Variants in NBR1 observed in about 807,000 individuals in gnomAD.
NBR1 encodes the protein NBR1 autophagy cargo receptor, also known as next to BRCA1 gene 1 protein.
Under a neutral mutation model 115.5 loss-of-function variants are expected in NBR1, and 59 were observed. The ratio of observed to expected loss-of-function variants is 0.51; its 90% CI spans 0.41 to 0.63. The LOEUF (loss-of-function observed/expected upper bound fraction) is 0.63, where lower values mean the gene tolerates loss of function less well. Ranked by LOEUF, NBR1 falls within the 30% of genes least tolerant of loss-of-function variation. NBR1 has a pLI of 0.00. For missense variants in NBR1, 1,043 were observed against 1,150.5 expected (o/e 0.91, Z 1.35); for synonymous variants, 373 against 414.7 (o/e 0.90, Z 1.22).
rs192396746 is a variant in NBR1 at position 43,187,422 on chromosome 17, C to T, written c.402+978C>T. On this transcript the variant is annotated intron_variant, in intron 6 of 20. Transcript: ENST00000590996. ...GTCTCGATCTCCTGACCTCATGGTC[C>T]GCCCGCCTTGGCCTCCCAAAGTGCT... Among the ~76,000 whole-genome samples the T allele has an allele frequency of 9.1e-4, 139 of 152,102 alleles. 1 individual carries two copies. The East Asian group carries it at 0.012, about 13-fold the overall frequency.
Position 43,189,044 on chromosome 17 carries a change from G to A in NBR1, c.405G>A (p.Ser135=), listed in dbSNP as rs747485936. 2.5e-5 allele frequency: 40 copies of A among 1,608,992 alleles called. No homozygotes were observed. The highest frequency in any genetic ancestry group is 5.3e-5 in the African/African-American group (4 of 74,792). ...MKTPEDPAVQ[S]FPLVPCDTDQ... is the part of the protein sequence containing the mutation. ...TCTCGGCTTGTGTTTTCTCCCAGTC[G>A]TTTCCACTTGTTCCATGTGACACAG... Residue 135 remains serine (S), a splice_region_variant and synonymous_variant, in exon 7 of 21, where the codon TCG becomes TCA. Transcript: ENST00000590996.
At chr17:43,190,310 A>T (rs745820180) in intron 8 of NBR1, 1 of 394,330 alleles carries the variant, frequency 2.5e-6, no homozygotes, top group Non-Finnish European at 4.8e-6. Flanking sequence ...GACTCAAATG[A>T]TCCTCTTCTC....
chr17:43,196,619 T>C (rs2057074716), intron 15 of NBR1, 28 bp downstream of exon 15: 1 of 1,468,342 alleles, frequency 6.8e-7, no homozygotes, highest in African/African-American at 1.4e-5. Context: ...TGTAAAGTAT[T>C]TGCATCCTCC....
intron 5 of NBR1, among the ~76,000 whole-genome samples, chr17:43,183,249 T>C (rs1215710931): frequency 2.6e-5 from 4 of 151,368 alleles, no homozygotes; most frequent in Non-Finnish European, 5.9e-5. Context: ...TGAGATGGAG[T>C]CTTGCTCTGT....
Position 43,194,430 on chromosome 17 carries a change from A to T in NBR1, c.1605A>T (p.Pro535=), listed in dbSNP as rs2154582241. 1.2e-6 allele frequency: 2 copies of T among 1,613,912 alleles called. No homozygotes were observed. Among genetic ancestry groups the T allele is most frequent in the East Asian group, 4.5e-5 (2 of 44,890 alleles). ...EQTEGTAACI[P]QKAKNVASER... ...CAGAAGGGACAGCAGCCTGCATCCC[A>T]CAGAAGGCAAAAAATGTTGCCAGTG... Residue 535 remains proline (P), a synonymous_variant, in exon 13 of 21, where the codon CCA becomes CCT. Transcript: ENST00000590996.
At chr17:43,206,552 G>T (rs556547449) in intron 20 of NBR1, among the ~76,000 whole-genome samples, 1 of 152,140 alleles carries the variant, frequency 6.6e-6, no homozygotes, top group Admixed American at 6.5e-5. Context: ...CTACTCGGGA[G>T]TCTGAGGCAG....
chr17:43,197,451 G>A (rs913626837), intron 16 of NBR1, among the ~76,000 whole-genome samples: 14 of 151,796 alleles, frequency 9.2e-5, no homozygotes, highest in Non-Finnish European at 1.6e-4. Context: ...CCCGGGAGGC[G>A]GAGCTTGCAG....
rs1430986515 is a variant in NBR1 at position 43,191,496 on chromosome 17, C to T, written c.988C>T (p.His330Tyr). 8 of 1,613,058 alleles carry T rather than the reference C, an allele frequency of 5.0e-6. No homozygotes were observed. The highest frequency in any genetic ancestry group is 5.9e-6 in the Non-Finnish European group (7 of 1,179,402). The change falls in exon 10 of 21, where the codon CAC (histidine) becomes TAC (tyrosine). Residue 330 changes from histidine to tyrosine, a missense_variant. Coordinates refer to ENST00000590996, the MANE Select transcript of NBR1 (RefSeq NM_005899.5). ...GCAGCTTAAACTCCATAGGAAAATT[C>T]ACCTGTGGAATTCAATCCATGGACT... ...KKQLKLHRKI[H>Y]LWNSIHGLQS...
intron 20 of NBR1, among the ~76,000 whole-genome samples, chr17:43,208,304 A>T (rs2057354844): frequency 6.6e-6 from 1 of 152,200 alleles, no homozygotes; most frequent in African/African-American, 2.4e-5. Flanking sequence ...AGATGAGAAG[A>T]CAGATTGGAG....
rs1252811046 is a variant in NBR1, at chr17:43,203,674, T to C, written c.2622-7T>C. 1.3e-6 allele frequency: 2 copies of C among 1,596,258 alleles called. No homozygotes were observed. Among genetic ancestry groups the C allele is most frequent in the East Asian group, 4.5e-5 (2 of 44,620 alleles). On this transcript the variant is annotated splice_polypyrimidine_tract_variant and splice_region_variant and intron_variant, in intron 19 of 20. Coordinates refer to ENST00000590996, the MANE Select transcript of NBR1 (RefSeq NM_005899.5). ...GTTTGGGGAGATAATTTGGTTTTCC[T>C]CTGCAGGCACCATCATGGGAGCAGC...
At position 43,193,521 on chromosome 17, in the gene NBR1, G is replaced by A. The variant is rs1183965374; in HGVS notation, c.1407G>A (p.Gly469=). Reference sequence around the variant, plus strand: ...TTTCTCACAAAGGCCAGCAATTTGGGCCTCGGGTCTGGTGCAGTATCATAG... The same window carrying A: ...TTTCTCACAAAGGCCAGCAATTTGGACCTCGGGTCTGGTGCAGTATCATAG... ...WRLSHKGQQF[G]PRVWCSIIVD... is the part of the protein sequence containing the mutation. The change falls in exon 12 of 21, where the codon GGG becomes GGA. Residue 469 remains glycine (G), a synonymous_variant. Transcript: ENST00000590996. 4 of 1,613,644 alleles carry A rather than the reference G, an allele frequency of 2.5e-6. No individual in the cohort carries two copies. Among genetic ancestry groups the A allele is most frequent in the Middle Eastern group, 3.3e-4 (2 of 6,062 alleles).
chr17:43,171,665 C>T (rs1251188712), intron 1 of NBR1, among the ~76,000 whole-genome samples: 11 of 152,160 alleles, frequency 7.2e-5, no homozygotes, highest in Non-Finnish European at 5.9e-5. Context: ...ATGAACTCTG[C>T]AAGTAAAAAA....
intron 2 of NBR1, among the ~76,000 whole-genome samples, chr17:43,177,572 AACACACACACACACACACACACACAC>A (rs60320098): frequency 1.5e-5 from 2 of 131,258 alleles, no homozygotes; most frequent in African/African-American, 3.1e-5. Context: ...CCCCACCCAA[AACACACACACACACACACACACACAC>A]ACACACACAC....
intron 2 of NBR1, among the ~76,000 whole-genome samples, chr17:43,177,618 CA>C (rs2056552561): frequency 7.1e-6 from 1 of 141,626 alleles, no homozygotes; most frequent in African/African-American, 2.5e-5. Flanking sequence ...CACACACACA[CA>C]CAGTTTGGTA....
chr17:43,201,869 T>C (rs2057207424), intron 18 of NBR1, 89 bp downstream of exon 18: 1 of 804,544 alleles, frequency 1.2e-6, no homozygotes, highest in Non-Finnish European at 2.0e-6. Context: ...TCGTGATTCT[T>C]GGTGGTTTTT....
At chr17:43,178,217 T>C (rs2056571894) in intron 3 of NBR1, among the ~76,000 whole-genome samples, 1 of 142,930 alleles carries the variant, frequency 7.0e-6, no homozygotes, top group Non-Finnish European at 1.5e-5. Flanking sequence ...AACTTTCACT[T>C]AAAAAAAAAA....
intron 6 of NBR1, among the ~76,000 whole-genome samples, chr17:43,187,096 C>A (rs2056821287): frequency 6.6e-6 from 1 of 152,214 alleles, no homozygotes; most frequent in African/African-American, 2.4e-5. Flanking sequence ...AATCGCCACA[C>A]TGTCTTCAAC....
intron 13 of NBR1, 192 bp downstream of exon 13, chr17:43,194,691 C>A: frequency 4.3e-6 from 3 of 693,268 alleles, no homozygotes; most frequent in Non-Finnish European, 7.2e-6. Flanking sequence ...GAATTGGGAA[C>A]TCAATCCTGT....
intron 20 of NBR1, chr17:43,209,628 A>G (rs1217330204): frequency 2.0e-6 from 3 of 1,535,552 alleles, no homozygotes; most frequent in Admixed American, 3.9e-5. Flanking sequence ...CGAGTGAAGC[A>G]TTCTCCTGGT....
Sources: gnomAD v4.1 joint callset for allele counts (sites outside exome capture counted in the v4.1 genomes callset) on GRCh38, gnomAD v4.1.1 for gene constraint, MANE v1.5 for transcripts, NCBI Gene and HGNC (gene_info 2026-07-23, HGNC 2026-07-21) for gene names.